The following ALK variants were observed in gnomAD, a reference collection of about 807,000 sequenced individuals.
The protein encoded by ALK is ALK receptor tyrosine kinase.
Under a neutral mutation model 163.1 loss-of-function variants are expected in ALK, and 74 were observed. The ratio of observed to expected loss-of-function variants is 0.45; its 90% CI spans 0.38 to 0.55. The LOEUF (loss-of-function observed/expected upper bound fraction) is 0.55. Among genes scored for constraint, ALK ranks in the 20% least tolerant of loss-of-function variants. The probability of loss-of-function intolerance (pLI) is 0.00; values close to 1 mark genes in which losing one functional copy is unlikely to be tolerated. For missense variants in ALK, 2,063 were observed against 2,105.3 expected, an observed-to-expected ratio of 0.98 and a Z score of 0.39; for synonymous variants, 960 against 843.2, an observed-to-expected ratio of 1.14 and a Z score of -2.40.
At chr2:29,333,784 C>CT (rs895045653) in intron 5 of ALK, among the ~76,000 whole-genome samples, 1 of 151,694 alleles carries the variant, frequency 6.6e-6, no homozygotes, top group Non-Finnish European at 1.5e-5. Context: ...GCCTGGCTGC[C>CT]TTTTTTTTGG....
rs1254713394 is a variant in ALK at position 29,636,315 on chromosome 2, C to T, written c.952+58535G>A. On this transcript the variant is annotated intron_variant, in intron 3 of 28. Transcript: ENST00000389048. ...AAATGGTCTTGGAGCAATTGGACATCCAGAGGCCAAAAATAAAGAAAGAAA... is the reference window on the plus strand; with the variant it reads ...AAATGGTCTTGGAGCAATTGGACATTCAGAGGCCAAAAATAAAGAAAGAAA... Among the ~76,000 whole-genome samples the T allele has an allele frequency of 6.1e-5, 9 of 146,362 alleles. No individual in the cohort carries two copies. The East Asian group carries it at 1.8e-3, about 29-fold the overall frequency.
chr2:29,731,349 T>C (rs2148317594), intron 1 of ALK, among the ~76,000 whole-genome samples: 1 of 152,364 alleles, frequency 6.6e-6, no homozygotes, highest in East Asian at 1.9e-4. Flanking sequence ...CAAGATGGCT[T>C]GGCTTCTTCC....
chr2:29,536,428 G>T (rs1176301820), intron 3 of ALK, among the ~76,000 whole-genome samples: 1 of 152,124 alleles, frequency 6.6e-6, no homozygotes, highest in Admixed American at 6.5e-5. Context: ...TGCCATGATT[G>T]CAAGCTTCCT....
chr2:29,442,806 C>T (rs1227640384), intron 4 of ALK, among the ~76,000 whole-genome samples: 1 of 152,188 alleles, frequency 6.6e-6, no homozygotes, highest in East Asian at 1.9e-4. Flanking sequence ...CTTGGACAAG[C>T]CCCTTAAGTT....
chr2:29,479,007 G>T (rs1671594608), intron 4 of ALK, among the ~76,000 whole-genome samples: 1 of 152,190 alleles, frequency 6.6e-6, no homozygotes, highest in African/African-American at 2.4e-5. Flanking sequence ...ATGAAGCCTT[G>T]CCATGACATC....
chr2:29,497,466 T>G (rs74562911), intron 4 of ALK, among the ~76,000 whole-genome samples: 17,365 of 152,070 alleles, frequency 0.11, 1,258 homozygotes, highest in East Asian at 0.31. Flanking sequence ...AGCATGGTGC[T>G]TGCTACTGAG....
chr2:29,849,140 G>A (rs1297643828), intron 1 of ALK, among the ~76,000 whole-genome samples: 1 of 152,168 alleles, frequency 6.6e-6, no homozygotes, highest in Non-Finnish European at 1.5e-5. Flanking sequence ...ACCTTCCTGA[G>A]GGCCCCACTC....
chr2:29,783,334 T>A (rs1466691187), intron 1 of ALK, among the ~76,000 whole-genome samples: 2 of 152,314 alleles, frequency 1.3e-5, no homozygotes, highest in East Asian at 1.9e-4. Flanking sequence ...GGCAACAATG[T>A]TCAATTATGT....
intron 26 of ALK, among the ~76,000 whole-genome samples, chr2:29,204,372 C>T (rs1273732756): frequency 3.9e-5 from 6 of 152,092 alleles, no homozygotes; most frequent in Non-Finnish European, 8.8e-5. Context: ...CTTCTCTTGA[C>T]TATGACAACA....
chr2:29,558,016 C>T (rs1169681419), intron 3 of ALK, among the ~76,000 whole-genome samples: 1 of 152,196 alleles, frequency 6.6e-6, no homozygotes, highest in Non-Finnish European at 1.5e-5. Flanking sequence ...GTGATGTCTA[C>T]ACTGCATTCC....
intron 4 of ALK, among the ~76,000 whole-genome samples, chr2:29,410,769 G>A (rs772241953): frequency 4.7e-4 from 72 of 152,210 alleles, no homozygotes; most frequent in Non-Finnish European, 9.1e-4. Flanking sequence ...AATGAACCTT[G>A]GAGGAGTGGA....
intron 1 of ALK, among the ~76,000 whole-genome samples, chr2:29,866,467 TA>T (rs1212620991): frequency 6.6e-6 from 1 of 152,196 alleles, no homozygotes; most frequent in Admixed American, 6.5e-5. Flanking sequence ...ACAAAGCCTC[TA>T]CAGCCCACTA....
intron 3 of ALK, among the ~76,000 whole-genome samples, chr2:29,628,426 G>T (rs145714347): frequency 1.3e-5 from 2 of 152,146 alleles, no homozygotes; most frequent in African/African-American, 4.8e-5. Context: ...GGACTTAAGT[G>T]TATAAGCAGC....
intron 2 of ALK, among the ~76,000 whole-genome samples, chr2:29,695,516 C>T (rs1171923893): frequency 6.6e-6 from 1 of 152,146 alleles, no homozygotes; most frequent in Non-Finnish European, 1.5e-5. Flanking sequence ...AACATACTGC[C>T]TAAGAACATG....
intron 3 of ALK, among the ~76,000 whole-genome samples, chr2:29,578,740 G>T (rs868820073): frequency 2.6e-5 from 4 of 152,218 alleles, no homozygotes; most frequent in Non-Finnish European, 5.9e-5. Context: ...CCACAGAGAT[G>T]GTTGATTTCA....
chr2:29,352,850 G>T (rs6727537), intron 5 of ALK, among the ~76,000 whole-genome samples: 138,223 of 152,284 alleles, frequency 0.91, 62,784 homozygotes, highest in East Asian at 1. Flanking sequence ...AATTATGACA[G>T]TGAAAGAGAT....
At chr2:29,879,079 T>G (rs956835565) in intron 1 of ALK, among the ~76,000 whole-genome samples, 2 of 152,090 alleles carry the variant, frequency 1.3e-5, no homozygotes, top group African/African-American at 4.8e-5. Context: ...AGACACAAGA[T>G]CCTTTGAACT....
chr2:29,820,012 G>A (rs1222144446), intron 1 of ALK, among the ~76,000 whole-genome samples: 3 of 152,172 alleles, frequency 2.0e-5, no homozygotes, highest in African/African-American at 7.2e-5. Context: ...AGAGCGTGAT[G>A]GTTTTTAAAT....
At chr2:29,385,549 C>A (rs1374758325) in intron 4 of ALK, among the ~76,000 whole-genome samples, 1 of 152,030 alleles carries the variant, frequency 6.6e-6, no homozygotes, top group Non-Finnish European at 1.5e-5. Context: ...GCCACCACAC[C>A]TGGATAATTT....
Sources: allele counts gnomAD v4.1 joint callset (sites outside exome capture counted in the v4.1 genomes callset), GRCh38; gene constraint gnomAD v4.1.1; transcripts MANE v1.5; gene names NCBI Gene and HGNC (gene_info 2026-07-23, HGNC 2026-07-21).